Variants in TRPC7 observed in about 807,000 individuals in gnomAD.
TRPC7 encodes the protein short transient receptor potential channel 7.
Under a neutral mutation model 90.1 loss-of-function variants are expected in TRPC7, and 42 were observed. The observed-to-expected ratio is 0.47, with a 90% CI of 0.36 to 0.60. The LOEUF (loss-of-function observed/expected upper bound fraction) is 0.60, where lower values mean the gene tolerates loss of function less well. Among genes scored for constraint, TRPC7 ranks in the 20% least tolerant of loss-of-function variants. The pLI is 0.00. For missense variants in TRPC7, 955 were observed against 1,112.3 expected, an observed-to-expected ratio of 0.86 and a Z score of 2.01; for synonymous variants, 451 against 436.3, an observed-to-expected ratio of 1.03 and a Z score of -0.42.
intron 7 of TRPC7, among the ~76,000 whole-genome samples, chr5:136,243,126 A>C (rs1388484026): frequency 1.3e-5 from 2 of 152,134 alleles, no homozygotes; most frequent in African/African-American, 4.8e-5. Flanking sequence ...CTGTCTTAGA[A>C]TGCTTGCCCT....
intron 3 of TRPC7, among the ~76,000 whole-genome samples, chr5:136,301,919 C>A (rs1385319945): frequency 2.0e-5 from 3 of 152,172 alleles, no homozygotes; most frequent in Non-Finnish European, 4.4e-5. Flanking sequence ...GAGAAAGATC[C>A]ACCTACGACC....
chr5:136,362,696 G>GTT (rs1407293618), intron 1 of TRPC7, among the ~76,000 whole-genome samples: 1 of 152,118 alleles, frequency 6.6e-6, no homozygotes, highest in East Asian at 1.9e-4. Context: ...TGCTTTGAAA[G>GTT]TTTGTGCTTT....
At chr5:136,310,555 G>A (rs1434892071) in intron 3 of TRPC7, among the ~76,000 whole-genome samples, 1 of 151,976 alleles carries the variant, frequency 6.6e-6, no homozygotes, top group African/African-American at 2.4e-5. Context: ...CTCAGGAGGA[G>A]TGGAGCTGGC....
intron 5 of TRPC7, among the ~76,000 whole-genome samples, chr5:136,258,691 C>T (rs1312890939): frequency 6.6e-6 from 1 of 152,224 alleles, no homozygotes; most frequent in East Asian, 1.9e-4. Flanking sequence ...AGCTTGACAG[C>T]TAAAAGGCTA....
rs759241108 is a variant in TRPC7, at chr5:136,274,847, CAAAACA to C, written c.964-16_964-11del. 9 of 1,553,072 alleles carry C rather than the reference CAAAACA, an allele frequency of 5.8e-6. No homozygotes were observed. Among genetic ancestry groups the C allele is most frequent in the Non-Finnish European group, 7.8e-6 (9 of 1,148,206 alleles). ...TAGGATGAGCAACGAACTGTAAAAA[CAAAACA>C]AAAACAAAAACAAAACGCAAACAGG... On this transcript the variant is annotated splice_polypyrimidine_tract_variant and intron_variant, in intron 3 of 11. Transcript: ENST00000513104.
At position 136,357,306 on chromosome 5, in the gene TRPC7, C is replaced by A; in HGVS notation, c.82G>T (p.Gly28Cys). 4 of 1,610,658 alleles carry A rather than the reference C, an allele frequency of 2.5e-6. No individual in the cohort carries two copies. Among genetic ancestry groups the A allele is most frequent in the Non-Finnish European group, 3.4e-6 (4 of 1,179,878 alleles). Residue 28 changes from glycine (G) to cysteine (C), a missense_variant, in exon 2 of 12, where the codon GGT (glycine) becomes TGT (cysteine). Around this residue, in one of 4 missense-constraint regions of TRPC7, gnomAD observed 161 missense variants for 145.7 expected, o/e 1.10. Transcript: ENST00000513104. ...TTCTCGTTGAACATGTAGGCGGGAC[C>A]CCGGATGGCCTGGCGACGGCCCTTC... ...REKGRRQAIR[G>C]PAYMFNEKGT...
intron 3 of TRPC7, among the ~76,000 whole-genome samples, chr5:136,287,588 T>C (rs189703465): frequency 6.6e-6 from 1 of 151,440 alleles, no homozygotes; most frequent in Non-Finnish European, 1.5e-5. Flanking sequence ...CTCAGGGGTC[T>C]TGCTTCATTT....
At chr5:136,350,027 C>T (rs1291415714) in intron 2 of TRPC7, among the ~76,000 whole-genome samples, 1 of 152,128 alleles carries the variant, frequency 6.6e-6, no homozygotes, top group Non-Finnish European at 1.5e-5. Flanking sequence ...AGGTTTATAG[C>T]CTAGGAGCAA....
rs1756365459 is a variant in TRPC7, at chr5:136,247,097, G to T, written c.1844+374C>A. Among the ~76,000 whole-genome samples, 1 of 152,110 alleles carries T rather than the reference G, an allele frequency of 6.6e-6. No homozygotes were observed. The highest frequency in any genetic ancestry group is 2.4e-5 in the African/African-American group (1 of 41,414). ...TAGTCTATCAACTTTGGAAACAAAAGACAACATTATATTAATGGCATTCTG... is the reference window on the plus strand; with the variant it reads ...TAGTCTATCAACTTTGGAAACAAAATACAACATTATATTAATGGCATTCTG... On this transcript the variant is annotated intron_variant, in intron 7 of 11. Transcript: ENST00000513104. This position sits in a 1 kb window ranked among gnomAD's most constrained non-coding sequence, Gnocchi z 4.2.
At chr5:136,353,536 C>T (rs900179339) in intron 2 of TRPC7, among the ~76,000 whole-genome samples, 2 of 152,150 alleles carry the variant, frequency 1.3e-5, no homozygotes, top group African/African-American at 2.4e-5. Context: ...AAGACACTCT[C>T]TTGCTCTTTA....
chr5:136,288,348 A>G (rs1757803767), intron 3 of TRPC7, among the ~76,000 whole-genome samples: 2 of 152,148 alleles, frequency 1.3e-5, no homozygotes, highest in African/African-American at 4.8e-5. Flanking sequence ...TATACATAAC[A>G]TTTTAATACT....
intron 3 of TRPC7, among the ~76,000 whole-genome samples, chr5:136,300,238 T>C (rs1758330183): frequency 6.6e-6 from 1 of 152,250 alleles, no homozygotes; most frequent in South Asian, 2.1e-4. Context: ...TCAGGTGATT[T>C]ACAGAATGCC....
intron 5 of TRPC7, among the ~76,000 whole-genome samples, chr5:136,253,366 G>T (rs1044758121): frequency 6.6e-6 from 1 of 151,752 alleles, no homozygotes; most frequent in Non-Finnish European, 1.5e-5. Flanking sequence ...TTGCTTTATT[G>T]TGCTTCACAG....
intron 3 of TRPC7, among the ~76,000 whole-genome samples, chr5:136,302,109 G>T (rs1758417253): frequency 2.0e-5 from 3 of 152,162 alleles, no homozygotes; most frequent in Admixed American, 1.3e-4. Context: ...TTTTCTGGTA[G>T]AGACAAAGGA....
At position 136,266,208 on chromosome 5, in the gene TRPC7, T is replaced by A; in HGVS notation, c.1345+12A>T. ...TAGCAAGGAGAGAATAAAAATAGAG[T>A]GACTTGCTTACCTAAGACCCACTTC... On this transcript the variant is annotated intron_variant, in intron 5 of 11. Coordinates refer to ENST00000513104, the MANE Select transcript of TRPC7 (RefSeq NM_020389.3). 2 of 1,605,230 alleles carry A rather than the reference T, an allele frequency of 1.2e-6. No homozygotes were observed. Among genetic ancestry groups the A allele is most frequent in the Non-Finnish European group, 1.7e-6 (2 of 1,172,054 alleles).
At chr5:136,273,613 G>A (rs1757272082) in intron 4 of TRPC7, among the ~76,000 whole-genome samples, 1 of 152,174 alleles carries the variant, frequency 6.6e-6, no homozygotes, top group African/African-American at 2.4e-5. Flanking sequence ...ATTCTGGTAT[G>A]AGTTACTCCT....
chr5:136,290,462 G>A (rs1757900902), intron 3 of TRPC7, among the ~76,000 whole-genome samples: 2 of 152,322 alleles, frequency 1.3e-5, no homozygotes, highest in African/African-American at 2.4e-5. Flanking sequence ...TGATGGAGCT[G>A]AAAACCACGG....
At chr5:136,239,865 TCAAA>T (rs1168358666) in intron 7 of TRPC7, among the ~76,000 whole-genome samples, 1 of 152,184 alleles carries the variant, frequency 6.6e-6, no homozygotes, top group Non-Finnish European at 1.5e-5. Context: ...ATCTATCTTC[TCAAA>T]CAGTCTGCAA....
intron 3 of TRPC7, 50 bp from the exon 4 acceptor site, chr5:136,274,887 A>G: frequency 1.3e-6 from 2 of 1,536,158 alleles, no homozygotes; most frequent in South Asian, 2.5e-5. Flanking sequence ...GGAAAATGGC[A>G]TTGATAGCAC....
Sources: gnomAD v4.1 joint callset for allele counts (sites outside exome capture counted in the v4.1 genomes callset) on GRCh38, gnomAD v4.1.1 for gene constraint, gnomAD v4.1.1 regional missense constraint, Gnocchi (gnomAD v3.1) non-coding constraint, MANE v1.5 for transcripts, NCBI Gene and HGNC (gene_info 2026-07-23, HGNC 2026-07-21) for gene names.